The following GSE1 variants were observed in gnomAD, a reference collection of about 807,000 sequenced individuals.
GSE1 encodes genetic suppressor element 1.
GSE1 carries 32 observed loss-of-function variants against 112.6 expected under a neutral mutation model. The ratio of observed to expected loss-of-function variants is 0.28; its 90% CI spans 0.21 to 0.38. The LOEUF (loss-of-function observed/expected upper bound fraction) is 0.38. GSE1 is among the 10% of genes least tolerant of loss of function. The probability of loss-of-function intolerance (pLI) is 1.00; values close to 1 mark genes in which losing one functional copy is unlikely to be tolerated. For synonymous variants in GSE1, 1,115 were observed against 735.6 expected (o/e 1.52, Z -8.35); for missense variants, 2,348 against 1,699.2 (o/e 1.38, Z -6.71).
intron 2 of GSE1, among the ~76,000 whole-genome samples, chr16:85,428,039 C>T (rs578247935): frequency 2.6e-5 from 4 of 152,294 alleles, no homozygotes; most frequent in African/African-American, 7.2e-5. Context: ...ATGCGTGGCC[C>T]GTGGCTGCTG....
At chr16:85,507,018 G>A (rs2051557558) in intron 2 of GSE1, among the ~76,000 whole-genome samples, 1 of 152,178 alleles carries the variant, frequency 6.6e-6, no homozygotes, top group African/African-American at 2.4e-5. Context: ...GCCGACCAGT[G>A]GCTCTGCCTC....
At chr16:85,273,186 G>A (rs1045345884) in intron 1 of GSE1, among the ~76,000 whole-genome samples, 4 of 152,306 alleles carry the variant, frequency 2.6e-5, no homozygotes, top group East Asian at 3.9e-4. Context: ...TGGCCTCTCC[G>A]GGCCCTGGTG....
intron 2 of GSE1, among the ~76,000 whole-genome samples, chr16:85,643,532 C>T (rs1032252356): frequency 6.7e-6 from 1 of 149,460 alleles, no homozygotes; most frequent in Non-Finnish European, 1.5e-5. Context: ...TGCTTAGAAA[C>T]GAGGCTCATT....
intron 2 of GSE1, among the ~76,000 whole-genome samples, chr16:85,392,524 C>G (rs1013785031): frequency 2.0e-5 from 3 of 152,134 alleles, no homozygotes; most frequent in Non-Finnish European, 4.4e-5. Context: ...TGTGAGTATT[C>G]TAAAGCCCAT....
In GSE1 at chr16:85,518,139, C is replaced by A. The variant is rs368676289; in HGVS notation, c.2465-115775C>A. On this transcript the variant is annotated intron_variant, in intron 2 of 2. Transcript: ENST00000637419. ...TATCACTGCCCTGCAGAGGCTGCTG[C>A]CACGGCCCCGCCATCCCCGGCCACC... Among the ~76,000 whole-genome samples the A allele has an allele frequency of 1.6e-4, 25 of 152,360 alleles. 1 individual carries two copies. The South Asian group carries it at 5.2e-3, about 32-fold the overall frequency.
intron 2 of GSE1, among the ~76,000 whole-genome samples, chr16:85,376,304 C>T (rs914010911): frequency 6.6e-6 from 1 of 152,220 alleles, no homozygotes; most frequent in Non-Finnish European, 1.5e-5. Context: ...GGAGCTCGAC[C>T]TCGGTTAGTC....
Position 85,661,428 on chromosome 16 carries a change from T to C in GSE1, c.1923T>C (p.Arg641=). ...PEKAEEGPRK[R]EPAPLDKYQP... ...AAGCAGAGGAGGGGCCACGGAAGCG[T>C]GAGCCTGCCCCTCTGGACAAGTACC... is the stretch of plus-strand genomic sequence containing the variant. Residue 641 remains arginine (R), a synonymous_variant, in exon 9 of 16, where the codon CGT becomes CGC. Coordinates refer to ENST00000253458, the MANE Select transcript of GSE1 (RefSeq NM_014615.5). The C allele has an allele frequency of 6.2e-7, 1 of 1,612,082 alleles. No individual in the cohort carries two copies. Among genetic ancestry groups the C allele is most frequent in the South Asian group, 1.1e-5 (1 of 91,044 alleles).
chr16:85,227,922 C>G (rs1334106795), intron 1 of GSE1, among the ~76,000 whole-genome samples: 3 of 152,210 alleles, frequency 2.0e-5, no homozygotes. Flanking sequence ...AGCATCAAAC[C>G]TGAAACAGAT....
chr16:85,380,042 G>A (rs1448361075), intron 2 of GSE1, among the ~76,000 whole-genome samples: 1 of 152,240 alleles, frequency 6.6e-6, no homozygotes, highest in African/African-American at 2.4e-5. Context: ...GCCTTGGGAA[G>A]CCCAAGCATT....
intron 2 of GSE1, among the ~76,000 whole-genome samples, chr16:85,549,504 C>G (rs1166284237): frequency 6.6e-6 from 1 of 152,202 alleles, no homozygotes; most frequent in African/African-American, 2.4e-5. Context: ...TGGCAGATTA[C>G]CATTCTGCCT....
chr16:85,274,516 C>A (rs1221050060), intron 1 of GSE1, among the ~76,000 whole-genome samples: 1 of 152,240 alleles, frequency 6.6e-6, no homozygotes, highest in African/African-American at 2.4e-5. Context: ...AGTGGCTGTG[C>A]ACTTTGCTAC....
chr16:85,515,575 G>A (rs1268092546), intron 2 of GSE1, among the ~76,000 whole-genome samples: 2 of 151,784 alleles, frequency 1.3e-5, no homozygotes, highest in African/African-American at 2.4e-5. Context: ...GGACCCTGGG[G>A]CGCCAGGGGC....
rs575750094 is a variant in GSE1 at position 85,342,443 on chromosome 16, G to A, written c.2284-15020G>A. Among the ~76,000 whole-genome samples, 7 of 152,222 alleles carry A rather than the reference G, an allele frequency of 4.6e-5. No individual in the cohort carries two copies. In the East Asian group the frequency reaches 5.9e-4, roughly 13 times the overall value. On this transcript the variant is annotated intron_variant, in intron 1 of 2. Coordinates refer to the GSE1 transcript ENST00000637419. Reference sequence around the variant, plus strand: ...AGAAACTGACTGCCCTGGGTGAGGCGGCTCTGCTCCTTCAGTCATTGTGTC... The same window carrying A: ...AGAAACTGACTGCCCTGGGTGAGGCAGCTCTGCTCCTTCAGTCATTGTGTC...
chr16:85,296,198 G>A (rs2045361718), intron 1 of GSE1, among the ~76,000 whole-genome samples: 1 of 152,172 alleles, frequency 6.6e-6, no homozygotes, highest in Non-Finnish European at 1.5e-5. Flanking sequence ...GACAGCCTGT[G>A]CGAACACTGC....
At chr16:85,180,436 G>A (rs751256328) in intron 1 of GSE1, among the ~76,000 whole-genome samples, 6 of 152,176 alleles carry the variant, frequency 3.9e-5, no homozygotes, top group Non-Finnish European at 7.3e-5. Context: ...TTTAGGTTCC[G>A]GCCCTCCACT....
intron 2 of GSE1, among the ~76,000 whole-genome samples, chr16:85,482,113 C>T (rs929671248): frequency 6.6e-6 from 1 of 152,206 alleles, no homozygotes; most frequent in Non-Finnish European, 1.5e-5. Context: ...TTGTTCGGGA[C>T]CCAGGCGGCT....
chr16:85,591,487 CA>C (rs2047000426), intron 1 of GSE1, among the ~76,000 whole-genome samples: 1 of 152,246 alleles, frequency 6.6e-6, no homozygotes, highest in East Asian at 1.9e-4. Context: ...TGGTTCTTTG[CA>C]AACAGCCAAC....
chr16:85,359,064 G>A lies in GSE1; in HGVS notation c.2464+1421G>A, dbSNP rs1328111020. ...TGTGACAGGCCTTGGCACCCTCAGT[G>A]TTCAGGGTGCAGGCTGGGGCCAGGG... On this transcript the variant is annotated intron_variant, in intron 2 of 2. Coordinates refer to the GSE1 transcript ENST00000637419. 2.0e-5 allele frequency among the ~76,000 whole-genome samples: 3 copies of A among 152,172 alleles called. No individual in the cohort carries two copies. In the East Asian group the frequency reaches 5.8e-4, roughly 29 times the overall value.
intron 1 of GSE1, among the ~76,000 whole-genome samples, chr16:85,262,407 T>C (rs1228532207): frequency 6.6e-6 from 1 of 152,176 alleles, no homozygotes; most frequent in Non-Finnish European, 1.5e-5. Context: ...TGACAGCTAA[T>C]TAGCTGTGTG....
Sources: allele counts gnomAD v4.1 joint callset (sites outside exome capture counted in the v4.1 genomes callset), GRCh38; gene constraint gnomAD v4.1.1; transcripts MANE v1.5; gene names NCBI Gene and HGNC (gene_info 2026-07-23, HGNC 2026-07-21).